Variants in SH3YL1 observed in about 807,000 individuals in gnomAD.
SH3YL1 encodes SH3 domain-containing YSC84-like protein 1.
A neutral mutation model predicts 45.8 loss-of-function variants in SH3YL1; 41 were observed. The ratio of observed to expected loss-of-function variants is 0.89; its 90% CI spans 0.70 to 1.16. SH3YL1 has a LOEUF of 1.16. Ranked by LOEUF, SH3YL1 falls within the 50% of genes most tolerant of loss-of-function variation. The pLI, the probability that SH3YL1 is intolerant of heterozygous loss-of-function variation, is 0.00. For synonymous variants in SH3YL1, 152 were observed against 151.4 expected (o/e 1.00, Z -0.03); for missense variants, 389 against 409.6 (o/e 0.95, Z 0.43).
chr2:251,534 C>T (rs185726837), intron 2 of SH3YL1, among the ~76,000 whole-genome samples: 240 of 152,262 alleles, frequency 1.6e-3, no homozygotes, highest in South Asian at 0.013. Flanking sequence ...CCCACTGAGA[C>T]GGGCTCCTTC....
In SH3YL1 at chr2:263,981, C is replaced by CA. The variant is rs1442440412; in HGVS notation, c.1+2dup. 1.2e-5 allele frequency: 17 copies of CA among 1,473,414 alleles called. No homozygotes were observed. Among genetic ancestry groups the CA allele is most frequent in the Non-Finnish European group, 1.4e-5 (16 of 1,107,288 alleles). The allele number at this position is 1,473,414 out of a possible 1,614,324, so 91.3% of individuals were successfully genotyped here. A position where few individuals can be genotyped will look rare whatever the true frequency, so the allele number is the denominator to read the frequency against. On this transcript the variant is annotated splice_region_variant and intron_variant, in intron 1 of 9. Coordinates refer to ENST00000356150, the MANE Select transcript of SH3YL1 (RefSeq NM_015677.4). ...CCGGACAGGTGGGTCCCCGGGTACT[C>CA]ACTGCTGCCCGCCCGGCCGCGGCGC...
chr2:243,672 T>C lies in SH3YL1; in HGVS notation c.291+3866A>G, dbSNP rs1009607015. 5 of 1,227,542 alleles carry C rather than the reference T, an allele frequency of 4.1e-6. No homozygotes were observed. The Admixed American group carries it at 1.6e-4, about 38-fold the overall frequency. The allele number at this position is 1,227,542 out of a possible 1,614,324, so 76.0% of individuals were successfully genotyped here. A position where few individuals can be genotyped will look rare whatever the true frequency, so the allele number is the denominator to read the frequency against. On this transcript the variant is annotated intron_variant, in intron 4 of 9. Transcript: ENST00000356150. Reference sequence around the variant, plus strand: ...AACAGCCTTGCTTGGACCTTTCCCCTTCTTTCCCTTAGTACCTTAAGTTTC... The same window carrying C: ...AACAGCCTTGCTTGGACCTTTCCCCCTCTTTCCCTTAGTACCTTAAGTTTC...
At chr2:260,984 G>A (rs1007269220) in intron 1 of SH3YL1, 1 of 152,186 alleles carries the variant, frequency 6.6e-6, no homozygotes, top group Non-Finnish European at 1.5e-5. Context: ...CCTAGACACA[G>A]CTTATGTCAC....
intron 6 of SH3YL1, among the ~76,000 whole-genome samples, chr2:232,356 G>A (rs1279607412): frequency 2.0e-5 from 3 of 151,880 alleles, no homozygotes; most frequent in Non-Finnish European, 4.4e-5. Flanking sequence ...TGACACATGA[G>A]TTGTAACTGG....
intron 1 of SH3YL1, among the ~76,000 whole-genome samples, chr2:257,471 T>A (rs570631660): frequency 6.6e-5 from 10 of 152,340 alleles, no homozygotes; most frequent in African/African-American, 1.9e-4. Context: ...GTAGACAAGA[T>A]TGAGAACTTA....
At chr2:229,728 C>CAAAA (rs397709071) in intron 8 of SH3YL1, among the ~76,000 whole-genome samples, 100 of 93,018 alleles carry the variant, frequency 1.1e-3, no homozygotes, top group African/African-American at 1.3e-3. Flanking sequence ...GACTCCGTCT[C>CAAAA]AAAAAAAAAA....
Position 230,948 on chromosome 2 carries a change from T to G in SH3YL1, c.702+75A>C, listed in dbSNP as rs936677036. ...GAGGCTTAGTAGGTTCTTAGGAACC[T>G]GATATCAGGGACAGAATGTTCTACA... On this transcript the variant is annotated intron_variant, in intron 7 of 9. Coordinates refer to ENST00000356150, the MANE Select transcript of SH3YL1 (RefSeq NM_015677.4). 6 of 1,455,408 alleles carry G rather than the reference T, an allele frequency of 4.1e-6. No homozygotes were observed. The African/African-American group carries it at 8.4e-5, about 20-fold the overall frequency. 90.2% of individuals were successfully genotyped at this position (1,455,408 alleles called of 1,614,324 possible).
intron 4 of SH3YL1, chr2:243,561 G>C: frequency 6.8e-7 from 1 of 1,478,466 alleles, no homozygotes; most frequent in Non-Finnish European, 9.0e-7. Context: ...CTGTAAATGT[G>C]TCTATTAAAA....
intron 3 of SH3YL1, among the ~76,000 whole-genome samples, chr2:248,534 G>A (rs1668936664): frequency 6.6e-6 from 1 of 152,302 alleles, no homozygotes; most frequent in Non-Finnish European, 1.5e-5. Flanking sequence ...ACTCTCAGCA[G>A]AGTCAGCAGC....
At position 224,829 on chromosome 2, in the gene SH3YL1, T is replaced by C. The variant is rs189890195; in HGVS notation, c.838+35A>G. The C allele has an allele frequency of 9.4e-5, 137 of 1,451,192 alleles. 1 individual carries two copies. In the East Asian group the frequency reaches 3.1e-3, roughly 32 times the overall value. 89.9% of individuals were successfully genotyped at this position (1,451,192 alleles called of 1,614,324 possible). A position where few individuals can be genotyped will look rare whatever the true frequency, so the allele number is the denominator to read the frequency against. On this transcript the variant is annotated intron_variant, in intron 9 of 9. Transcript: ENST00000356150. The stretch of plus-strand genomic sequence containing the variant: ...GAAGTTTGTGATCACAAAATGAATA[T>C]GAATCATTTATAACATATAGATTTA...
At chr2:260,447 G>A (rs1281929589) in intron 1 of SH3YL1, 1 of 152,220 alleles carries the variant, frequency 6.6e-6, no homozygotes, top group African/African-American at 2.4e-5. Flanking sequence ...CCACAGCAGG[G>A]CTTTATAACC....
At chr2:246,225 T>A (rs1232151744) in intron 4 of SH3YL1, among the ~76,000 whole-genome samples, 1 of 151,304 alleles carries the variant, frequency 6.6e-6, no homozygotes, top group Non-Finnish European at 1.5e-5. Flanking sequence ...AGAAAAAAAA[T>A]ACTATGTATC....
chr2:233,337 C>G (rs1261739016), intron 5 of SH3YL1, 108 bp from the exon 6 acceptor site: 13 of 1,172,220 alleles, frequency 1.1e-5, no homozygotes, highest in Admixed American at 3.7e-5. Flanking sequence ...TGTTCTGTAC[C>G]TTCTTCAGCT....
chr2:261,903 T>A (rs1307266266), intron 1 of SH3YL1, among the ~76,000 whole-genome samples: 5 of 152,234 alleles, frequency 3.3e-5, no homozygotes, highest in Non-Finnish European at 5.9e-5. Context: ...GCTTACTAAA[T>A]TTGGTTTTCC....
Position 231,559 on chromosome 2 carries a change from T to C in SH3YL1, c.534-368A>G, listed in dbSNP as rs1437231039. Among the ~76,000 whole-genome samples the C allele has an allele frequency of 2.6e-5, 4 of 152,338 alleles. No homozygotes were observed. The South Asian group carries it at 6.2e-4, about 24-fold the overall frequency. On this transcript the variant is annotated intron_variant, in intron 6 of 9. Transcript: ENST00000356150. ...ATACATTTTTATAGGTTTTTACTTT[T>C]TAAATTTCTTTAAAAAATGGTACCT... is the stretch of plus-strand genomic sequence containing the variant.
intron 7 of SH3YL1, 67 bp from the exon 8 acceptor site, chr2:230,111 T>C: frequency 8.1e-7 from 1 of 1,241,268 alleles, no homozygotes; most frequent in East Asian, 2.4e-5. Flanking sequence ...CACATATAAC[T>C]CTTTTCTAAT....
chr2:263,306 T>G, intron 1 of SH3YL1: 1 of 154,352 alleles, frequency 6.5e-6, no homozygotes, highest in Non-Finnish European at 1.4e-5. Flanking sequence ...AAAGGACACA[T>G]CTCTGTCCAC....
intron 2 of SH3YL1, among the ~76,000 whole-genome samples, chr2:251,409 G>A (rs1357103485): frequency 6.6e-6 from 1 of 152,216 alleles, no homozygotes; most frequent in African/African-American, 2.4e-5. Flanking sequence ...ACTCCCAGGA[G>A]AAGTGGGCCT....
chr2:248,152 A>C (rs1288575563), intron 3 of SH3YL1, among the ~76,000 whole-genome samples: 2 of 152,260 alleles, frequency 1.3e-5, no homozygotes, highest in Non-Finnish European at 2.9e-5. Context: ...AAGATAAATC[A>C]CATTTAGAAA....
Sources: gnomAD v4.1 joint callset for allele counts (sites outside exome capture counted in the v4.1 genomes callset) on GRCh38, gnomAD v4.1.1 for gene constraint, MANE v1.5 for transcripts, NCBI Gene and HGNC (gene_info 2026-07-23, HGNC 2026-07-21) for gene names.